The following E2F3 variants were observed in gnomAD, a reference collection of about 807,000 sequenced individuals.
E2F3 encodes the protein transcription factor E2F3.
Under a neutral mutation model 44.4 loss-of-function variants are expected in E2F3, and 11 were observed. That is an observed-to-expected ratio of 0.25 (90% confidence interval 0.16 to 0.41). The LOEUF (loss-of-function observed/expected upper bound fraction) is 0.41, where lower values mean the gene tolerates loss of function less well. Ranked by LOEUF, E2F3 falls within the 10% of genes least tolerant of loss-of-function variation. The probability of loss-of-function intolerance (pLI) is 1.00; values close to 1 mark genes in which losing one functional copy is unlikely to be tolerated. For missense variants in E2F3, 487 were observed against 583.6 expected (o/e 0.83, Z 1.70); for synonymous variants, 249 against 253.0 (o/e 0.98, Z 0.15).
intron 1 of E2F3, among the ~76,000 whole-genome samples, chr6:20,417,010 G>A (rs1759869670): frequency 6.6e-6 from 1 of 152,118 alleles, no homozygotes; most frequent in African/African-American, 2.4e-5. Flanking sequence ...TGATATACAA[G>A]GAAGTTGCTT....
chr6:20,404,137 A>G lies in E2F3; in HGVS notation c.393+1512A>G, dbSNP rs1447275852. Among the ~76,000 whole-genome samples the G allele has an allele frequency of 2.5e-5, 3 of 119,340 alleles. No individual in the cohort carries two copies. In the East Asian group the frequency reaches 7.9e-4, roughly 31 times the overall value. The allele number at this position is 119,340 out of a possible 152,430, so 78.3% of individuals were successfully genotyped here. The stretch of plus-strand genomic sequence containing the variant: ...GGAGGGGGCTTCTCGCCAATGGCCG[A>G]GTTGAGCTCTGTTTTCTGTCTTCCT... On this transcript the variant is annotated intron_variant, in intron 1 of 6. Transcript: ENST00000346618.
chr6:20,444,553 A>G (rs1312612026), intron 1 of E2F3, among the ~76,000 whole-genome samples: 1 of 152,166 alleles, frequency 6.6e-6, no homozygotes, highest in Non-Finnish European at 1.5e-5. Context: ...TAGAAAGTCT[A>G]GTCGTGGGTC....
chr6:20,416,289 G>A (rs144919001), intron 1 of E2F3, among the ~76,000 whole-genome samples: 32 of 152,140 alleles, frequency 2.1e-4, no homozygotes, highest in Admixed American at 9.8e-4. Flanking sequence ...CTATACCCAC[G>A]CTGGCCCCAG....
chr6:20,417,332 A>G (rs1759881521), intron 1 of E2F3, among the ~76,000 whole-genome samples: 1 of 152,160 alleles, frequency 6.6e-6, no homozygotes, highest in Non-Finnish European at 1.5e-5. Context: ...ATCCCAACTC[A>G]TTATAAAAAC....
At chr6:20,452,480 T>C (rs1581617802) in intron 1 of E2F3, 1 of 152,314 alleles carries the variant, frequency 6.6e-6, no homozygotes, top group East Asian at 1.9e-4. Context: ...TCACCCTAAG[T>C]ACTGTTTGAT....
At position 20,490,463 on chromosome 6, in the gene E2F3, A is replaced by C. The variant is rs765548421; in HGVS notation, c.*33A>C. On this transcript the variant is annotated 3_prime_UTR_variant, in exon 7 of 7. Coordinates refer to ENST00000346618, the MANE Select transcript of E2F3 (RefSeq NM_001949.5). This position sits in a 1 kb window ranked among gnomAD's most constrained non-coding sequence, Gnocchi z 4.3. ...TCGTGTGAACTCTCCTTAAAAACCG[A>C]TATTTTTTTATCATGGAACCAGAAC... is the stretch of plus-strand genomic sequence containing the variant. 5.3e-6 allele frequency: 8 copies of C among 1,515,932 alleles called. No homozygotes were observed. The Admixed American group carries it at 1.5e-4, about 29-fold the overall frequency. The allele number at this position is 1,515,932 out of a possible 1,614,324, so 93.9% of individuals were successfully genotyped here.
Position 20,401,953 on chromosome 6 carries a change from T to TGC in E2F3, c.-280_-279insGC. The TGC allele has an allele frequency of 2.7e-6, 1 of 363,706 alleles. No individual in the cohort carries two copies. The highest frequency in any genetic ancestry group is 4.8e-6 in the Non-Finnish European group (1 of 208,452). The allele number at this position is 363,706 out of a possible 1,614,324, so 22.5% of individuals were successfully genotyped here. On this transcript the variant is annotated 5_prime_UTR_variant, in exon 1 of 7. Coordinates refer to ENST00000346618, the MANE Select transcript of E2F3 (RefSeq NM_001949.5). ...CAGCACCCGGGCTGCCGCCGCCGCC[T>TGC]CGCAATCCGTTGCATCGGCCGCCCC...
intron 1 of E2F3, among the ~76,000 whole-genome samples, chr6:20,437,498 A>AT (rs928438680): frequency 6.6e-6 from 1 of 151,952 alleles, no homozygotes; most frequent in East Asian, 1.9e-4. Flanking sequence ...TTTCAAAAAA[A>AT]TTTTTTTTCT....
chr6:20,473,674 G>A (rs578194222), intron 1 of E2F3, among the ~76,000 whole-genome samples: 19 of 152,212 alleles, frequency 1.2e-4, no homozygotes, highest in Admixed American at 8.5e-4. Flanking sequence ...GAAGGGATTG[G>A]GACTCAGCCT....
chr6:20,402,149 C>G lies in E2F3; in HGVS notation c.-84C>G. ...GCGGGGAGGAGAGAAGGAGGAGAGA[C>G]TTGGAAACTCCGACTGCAAATAATA... is the stretch of plus-strand genomic sequence containing the variant. On this transcript the variant is annotated 5_prime_UTR_variant, in exon 1 of 7. Transcript: ENST00000346618. This position sits in a 1 kb window ranked among gnomAD's most constrained non-coding sequence, Gnocchi z 5.6. 1 of 1,463,630 alleles carries G rather than the reference C, an allele frequency of 6.8e-7. No individual in the cohort carries two copies. Among genetic ancestry groups the G allele is most frequent in the East Asian group, 2.5e-5 (1 of 39,918 alleles). 90.7% of individuals were successfully genotyped at this position (1,463,630 alleles called of 1,614,324 possible). A position where few individuals can be genotyped will look rare whatever the true frequency, so the allele number is the denominator to read the frequency against.
At chr6:20,488,449 G>A (rs989981429) in intron 6 of E2F3, among the ~76,000 whole-genome samples, 11 of 152,142 alleles carry the variant, frequency 7.2e-5, no homozygotes, top group East Asian at 1.9e-4. Context: ...TTATGGAGTC[G>A]CTTCAGGCTT....
At chr6:20,404,030 GGGAGT>G (rs1297479424) in intron 1 of E2F3, among the ~76,000 whole-genome samples, 6 of 152,182 alleles carry the variant, frequency 3.9e-5, no homozygotes, top group Admixed American at 2.6e-4. Context: ...ACCTCGGGGC[GGGAGT>G]GTCTGCCCCA....
intron 1 of E2F3, chr6:20,403,706 C>T (rs1393784434): frequency 2.6e-6 from 2 of 760,072 alleles, no homozygotes; most frequent in Non-Finnish European, 4.1e-6. Flanking sequence ...CCTCTCCCCA[C>T]CCCCCCACCG....
At chr6:20,486,966 T>G (rs1006747299) in intron 5 of E2F3, among the ~76,000 whole-genome samples, 163 bp downstream of exon 5, 3 of 152,254 alleles carry the variant, frequency 2.0e-5, no homozygotes, top group Non-Finnish European at 4.4e-5. Flanking sequence ...TTCAATGGTT[T>G]GATGTTCATT....
chr6:20,489,506 T>C (rs138029024), intron 6 of E2F3, among the ~76,000 whole-genome samples: 1 of 152,306 alleles, frequency 6.6e-6, no homozygotes, highest in Non-Finnish European at 1.5e-5. Context: ...GTTGGTGAGT[T>C]TCTACTAGGA....
intron 1 of E2F3, among the ~76,000 whole-genome samples, chr6:20,417,100 C>A (rs1020677284): frequency 6.6e-6 from 1 of 152,136 alleles, no homozygotes; most frequent in Non-Finnish European, 1.5e-5. Flanking sequence ...TGGCTTCTTA[C>A]CTGGCATCAT....
At chr6:20,484,909 T>A (rs1762339748) in intron 4 of E2F3, among the ~76,000 whole-genome samples, 1 of 147,672 alleles carries the variant, frequency 6.8e-6, no homozygotes, top group African/African-American at 2.5e-5. Context: ...GCTGAAATCG[T>A]GCCACTGCAC....
intron 1 of E2F3, among the ~76,000 whole-genome samples, chr6:20,443,792 A>C (rs1252960213): frequency 3.3e-5 from 5 of 152,230 alleles, no homozygotes; most frequent in Non-Finnish European, 7.3e-5. Flanking sequence ...AAACAAAAGA[A>C]AAATTATTTG....
chr6:20,406,887 T>C (rs1759512963), intron 1 of E2F3, among the ~76,000 whole-genome samples: 1 of 152,200 alleles, frequency 6.6e-6, no homozygotes, highest in Non-Finnish European at 1.5e-5. Context: ...TAGTCAGAAG[T>C]GCTACTCAAT....
Sources: gnomAD v4.1 joint callset for allele counts (sites outside exome capture counted in the v4.1 genomes callset) on GRCh38, gnomAD v4.1.1 for gene constraint, Gnocchi (gnomAD v3.1) non-coding constraint, MANE v1.5 for transcripts, NCBI Gene and HGNC (gene_info 2026-07-23, HGNC 2026-07-21) for gene names.